JDP2: variants seen among roughly 807,000 people sequenced by gnomAD.
JDP2 encodes the protein progesterone receptor co-activator.
In JDP2, 9 loss-of-function variants were observed where a neutral mutation model predicts 17.1. The ratio of observed to expected loss-of-function variants is 0.53; its 90% confidence interval spans 0.32 to 0.92. The LOEUF is 0.92. JDP2 is among the 40% of genes least tolerant of loss of function. JDP2 has a pLI of 0.04. For synonymous variants in JDP2, 107 were observed against 95.6 expected, an observed-to-expected ratio of 1.12 and a Z score of -0.69; for missense variants, 179 against 220.0, an observed-to-expected ratio of 0.81 and a Z score of 1.18.
intron 2 of JDP2, among the ~76,000 whole-genome samples, chr14:75,453,506 T>C (rs1178425083): frequency 2.0e-5 from 3 of 152,240 alleles, no homozygotes; most frequent in Non-Finnish European, 4.4e-5. Context: ...GCTGCTGCAA[T>C]AGCACCACCT....
chr14:75,446,188 T>C (rs186615713), intron 2 of JDP2, among the ~76,000 whole-genome samples: 21 of 152,330 alleles, frequency 1.4e-4, no homozygotes, highest in African/African-American at 5.1e-4. Context: ...GAAGCTGTCG[T>C]CATGAATTGA....
At chr14:75,443,593 A>C (rs992785205) in intron 2 of JDP2, among the ~76,000 whole-genome samples, 1 of 152,186 alleles carries the variant, frequency 6.6e-6, no homozygotes, top group African/African-American at 2.4e-5. Flanking sequence ...TTGAGGGAGA[A>C]TGAGTGATAG....
chr14:75,436,497 G>T (rs1885069899), intron 1 of JDP2, among the ~76,000 whole-genome samples: 1 of 152,256 alleles, frequency 6.6e-6, no homozygotes, highest in East Asian at 1.9e-4. Context: ...GCAGAAAGGT[G>T]AAAAGAGGGA....
chr14:75,455,563 C>T (rs1051664529), intron 2 of JDP2, among the ~76,000 whole-genome samples: 2 of 152,120 alleles, frequency 1.3e-5, no homozygotes, highest in African/African-American at 4.8e-5. Flanking sequence ...TTAGGAGGTA[C>T]CAGCCTTAGA....
intron 2 of JDP2, among the ~76,000 whole-genome samples, chr14:75,444,654 C>T (rs1208085386): frequency 6.6e-6 from 1 of 152,218 alleles, no homozygotes; most frequent in Non-Finnish European, 1.5e-5. Context: ...GGATCCACAT[C>T]CTCATCACAG....
At chr14:75,458,970 T>C in intron 2 of JDP2, among the ~76,000 whole-genome samples, 1 of 152,228 alleles carries the variant, frequency 6.6e-6, no homozygotes, top group Non-Finnish European at 1.5e-5. Context: ...CCTGGCCCAG[T>C]TGATCTCTTA....
intron 1 of JDP2, among the ~76,000 whole-genome samples, chr14:75,435,592 A>T (rs1566735033): frequency 6.6e-6 from 1 of 152,232 alleles, no homozygotes; most frequent in Non-Finnish European, 1.5e-5. Context: ...CCAGGAGTCG[A>T]GCCCTGGCTC....
intron 2 of JDP2, among the ~76,000 whole-genome samples, chr14:75,454,332 A>G (rs1457364014): frequency 2.0e-5 from 3 of 152,236 alleles, no homozygotes; most frequent in African/African-American, 2.4e-5. Context: ...CCTGCGGCCC[A>G]AAGACCTGGA....
At chr14:75,455,893 C>T (rs1179747800) in intron 2 of JDP2, among the ~76,000 whole-genome samples, 1 of 152,092 alleles carries the variant, frequency 6.6e-6, no homozygotes, top group Admixed American at 6.5e-5. Context: ...ACCGAGGTGA[C>T]CCACCTCTGC....
intron 1 of JDP2, among the ~76,000 whole-genome samples, chr14:75,431,294 C>A (rs117804455): frequency 0.027 from 4,136 of 152,348 alleles, 88 homozygotes; most frequent in Non-Finnish European, 0.038. Context: ...ATAGGCAAGG[C>A]CTTGGAAGCA....
intron 2 of JDP2, 48 bp from the exon 3 acceptor site, chr14:75,461,378 A>G: frequency 4.3e-6 from 6 of 1,400,812 alleles, no homozygotes; most frequent in Non-Finnish European, 6.0e-6. Flanking sequence ...CAGAAACTGT[A>G]CTCCAAGCCT....
At position 75,428,559 on chromosome 14, in the gene JDP2, C is replaced by T. The variant is rs537055585; in HGVS notation, c.-24+307C>T. 1.3e-5 allele frequency: 2 copies of T among 152,374 alleles called. No homozygotes were observed. The highest frequency in any genetic ancestry group is 1.9e-4 in the East Asian group (1 of 5,138). The allele number at this position is 152,374 out of a possible 1,614,324, so 9.4% of individuals were successfully genotyped here. On this transcript the variant is annotated intron_variant, in intron 1 of 3. Transcript: ENST00000651602. The surrounding 1 kb of genome is among the most constrained non-coding windows in gnomAD (Gnocchi z 5.6). ...CTTCTCCCTCCCGCGCTCTCCTCCC[C>T]CGTCCGTTTGCAGGGAGGTGCTCTC...
chr14:75,434,141 GC>G (rs1566734178), intron 1 of JDP2, among the ~76,000 whole-genome samples: 1 of 152,060 alleles, frequency 6.6e-6, no homozygotes, highest in African/African-American at 2.4e-5. Flanking sequence ...CACCTCCACT[GC>G]CCCCCACTCC....
intron 2 of JDP2, among the ~76,000 whole-genome samples, chr14:75,442,955 C>T (rs548581126): frequency 1.3e-5 from 2 of 152,256 alleles, no homozygotes; most frequent in South Asian, 2.1e-4. Flanking sequence ...CCCTTTCCAA[C>T]GTAGGGCAGT....
chr14:75,452,855 C>T (rs1428708809), intron 2 of JDP2, among the ~76,000 whole-genome samples: 1 of 152,186 alleles, frequency 6.6e-6, no homozygotes, highest in Non-Finnish European at 1.5e-5. Context: ...GAATTTTCTC[C>T]TAAAGCCCTG....
At chr14:75,433,474 G>A (rs907289754) in intron 1 of JDP2, among the ~76,000 whole-genome samples, 2 of 149,328 alleles carry the variant, frequency 1.3e-5, no homozygotes, top group Non-Finnish European at 3.0e-5. Flanking sequence ...CTTTTCTTCT[G>A]CTTGTACAAT....
Position 75,430,066 on chromosome 14 carries a change from A to G in JDP2, c.-24+1814A>G, listed in dbSNP as rs1022735635. On this transcript the variant is annotated intron_variant, in intron 1 of 3. Transcript: ENST00000651602. This position sits in a 1 kb window ranked among gnomAD's most constrained non-coding sequence, Gnocchi z 4.5. ...TGGATAAGGGTCTCCCCACTCATCC[A>G]CTGCCTAACTTTTGCAGCTACCAGG... is the stretch of plus-strand genomic sequence containing the variant. 3.9e-5 allele frequency among the ~76,000 whole-genome samples: 6 copies of G among 152,170 alleles called. No individual in the cohort carries two copies. The highest frequency in any genetic ancestry group is 1.2e-4 in the African/African-American group (5 of 41,432).
intron 2 of JDP2, among the ~76,000 whole-genome samples, chr14:75,458,868 G>A (rs1228044942): frequency 6.6e-6 from 1 of 152,224 alleles, no homozygotes; most frequent in Non-Finnish European, 1.5e-5. Flanking sequence ...CTGGCTTGGA[G>A]AAGGGTGAGA....
In JDP2 at chr14:75,469,726, C is replaced by T; in HGVS notation, c.*251C>T. The T allele has an allele frequency of 2.1e-6, 1 of 465,456 alleles. No homozygotes were observed. Among genetic ancestry groups the T allele is most frequent in the East Asian group, 3.9e-5 (1 of 25,878 alleles). 28.8% of individuals were successfully genotyped at this position (465,456 alleles called of 1,614,324 possible). On this transcript the variant is annotated 3_prime_UTR_variant, in exon 4 of 4. Transcript: ENST00000651602. ...TTGACCCTCGGGTAGGGTTGTCCTG[C>T]CTGGGGCCCCACTTGAAGGAGGCAG... is the stretch of plus-strand genomic sequence containing the variant.
Sources: gnomAD v4.1 joint callset for allele counts (sites outside exome capture counted in the v4.1 genomes callset) on GRCh38, gnomAD v4.1.1 for gene constraint, Gnocchi (gnomAD v3.1) non-coding constraint, MANE v1.5 for transcripts, NCBI Gene and HGNC (gene_info 2026-07-23, HGNC 2026-07-21) for gene names.